LAMA2: variants seen among roughly 807,000 people sequenced by gnomAD.
The protein encoded by LAMA2 is laminin subunit alpha-2.
In LAMA2, 269 loss-of-function variants were observed where a neutral mutation model predicts 364.8. The observed-to-expected ratio is 0.74, with a 90% CI of 0.67 to 0.82. The LOEUF (loss-of-function observed/expected upper bound fraction) is 0.82. Ranked by LOEUF, LAMA2 falls within the 40% of genes least tolerant of loss-of-function variation. The pLI is 0.00. For missense variants in LAMA2, 3,807 were observed against 3,873.2 expected (o/e 0.98, Z 0.45); for synonymous variants, 1,379 against 1,370.6 (o/e 1.01, Z -0.14).
intron 8 of LAMA2, among the ~76,000 whole-genome samples, chr6:129,161,724 G>C (rs1779448014): frequency 6.6e-6 from 1 of 151,976 alleles, no homozygotes; most frequent in Non-Finnish European, 1.5e-5. Context: ...TCAATGTTTA[G>C]CTCCACTCAT....
At chr6:129,286,242 G>T (rs1057037018) in intron 18 of LAMA2, among the ~76,000 whole-genome samples, 1 of 151,906 alleles carries the variant, frequency 6.6e-6, no homozygotes, top group Non-Finnish European at 1.5e-5. Flanking sequence ...TGCTGCAAAA[G>T]ACTTTATCTT....
chr6:128,940,050 TGCTCATCATGA>T (rs1780060973), intron 1 of LAMA2, among the ~76,000 whole-genome samples: 1 of 152,230 alleles, frequency 6.6e-6, no homozygotes, highest in Admixed American at 6.5e-5. Context: ...CTGCCATTCT[TGCTCATCATGA>T]TTTTGCCTCA....
intron 1 of LAMA2, among the ~76,000 whole-genome samples, chr6:128,893,498 C>T (rs2114391409): frequency 6.6e-6 from 1 of 151,940 alleles, no homozygotes; most frequent in South Asian, 2.1e-4. Context: ...TGACACATAG[C>T]TTTCAAACAT....
At chr6:129,034,790 C>A (rs371569120) in intron 1 of LAMA2, among the ~76,000 whole-genome samples, 5 of 152,158 alleles carry the variant, frequency 3.3e-5, no homozygotes, top group African/African-American at 1.2e-4. Flanking sequence ...CATGTTGCTG[C>A]AAAGGACATG....
chr6:128,982,350 A>G (rs1782938280), intron 1 of LAMA2, among the ~76,000 whole-genome samples: 1 of 152,128 alleles, frequency 6.6e-6, no homozygotes, highest in African/African-American at 2.4e-5. Context: ...CAGATCTTAT[A>G]TTTATGTGGT....
chr6:128,966,006 A>G (rs948412380), intron 1 of LAMA2, among the ~76,000 whole-genome samples: 21 of 116,938 alleles, frequency 1.8e-4, no homozygotes, highest in Non-Finnish European at 3.8e-4. Context: ...TTTTTGAACA[A>G]TCTGACTATT....
intron 12 of LAMA2, among the ~76,000 whole-genome samples, chr6:129,242,866 G>A (rs1382903935): frequency 6.6e-6 from 1 of 152,018 alleles, no homozygotes; most frequent in Admixed American, 6.6e-5. Context: ...CAAGTAGTAC[G>A]CTAAGTCAGA....
At chr6:129,179,555 C>T (rs934311771) in intron 10 of LAMA2, among the ~76,000 whole-genome samples, 7 of 151,934 alleles carry the variant, frequency 4.6e-5, no homozygotes, top group African/African-American at 9.7e-5. Flanking sequence ...TGCTCTCAGC[C>T]GAACTCAATA....
At chr6:129,182,515 A>C (rs1047636323) in intron 10 of LAMA2, among the ~76,000 whole-genome samples, 6 of 151,982 alleles carry the variant, frequency 3.9e-5, no homozygotes, top group Non-Finnish European at 5.9e-5. Context: ...GTTTCCTTTA[A>C]TCTGATAAAA....
At chr6:129,410,608 A>G (rs1780483633) in intron 40 of LAMA2, among the ~76,000 whole-genome samples, 1 of 152,204 alleles carries the variant, frequency 6.6e-6, no homozygotes, top group Non-Finnish European at 1.5e-5. Context: ...CAGAACTATT[A>G]GGAGATGGAT....
chr6:128,942,732 C>A (rs1780233380), intron 1 of LAMA2, among the ~76,000 whole-genome samples: 1 of 152,064 alleles, frequency 6.6e-6, no homozygotes. Flanking sequence ...ATTTTAAAAT[C>A]ACTTACGTAT....
In LAMA2 at chr6:128,981,090, A is replaced by G. The variant is rs535357573; in HGVS notation, c.113-68828A>G. ...AGATGCCTAAGTCAGAAACCTAGGC[A>G]TCATCCCTTCATTCTTTCTGTTCCT... On this transcript the variant is annotated intron_variant, in intron 1 of 64. Transcript: ENST00000421865. 2.6e-5 allele frequency among the ~76,000 whole-genome samples: 4 copies of G among 152,290 alleles called. 1 individual carries two copies. The South Asian group carries it at 8.3e-4, about 32-fold the overall frequency.
rs778428420 is a variant in LAMA2, at chr6:129,287,888, G to A, written c.2579G>A (p.Gly860Glu). Residue 860 changes from glycine to glutamate, a missense_variant, in exon 19 of 65, where the codon GGA becomes GAA. By Grantham distance (98) the Gly-to-Glu change is moderately conservative. Transcript: ENST00000421865. ...GYFGQPSVPGGSCQPCQCNDN... is the reference protein window; with the variant it reads ...GYFGQPSVPGESCQPCQCNDN... The stretch of plus-strand genomic sequence containing the variant: ...TTTGGACAACCCTCTGTACCTGGAG[G>A]ATCATGTCAGCCATGCCAATGCAAT... 6.2e-7 allele frequency: 1 copy of A among 1,613,902 alleles called. No homozygotes were observed. The highest frequency in any genetic ancestry group is 8.5e-7 in the Non-Finnish European group (1 of 1,179,950).
chr6:129,109,836 A>C (rs1934349477), intron 4 of LAMA2, among the ~76,000 whole-genome samples: 1 of 152,034 alleles, frequency 6.6e-6, no homozygotes, highest in African/African-American at 2.4e-5. Context: ...TTAATTGACT[A>C]CTCAGGTAAA....
At chr6:129,038,512 GC>G (rs769016244) in intron 1 of LAMA2, among the ~76,000 whole-genome samples, 32 of 152,128 alleles carry the variant, frequency 2.1e-4, no homozygotes, top group Non-Finnish European at 4.4e-4. Flanking sequence ...TGAGAAGATG[GC>G]AGACATCAAG....
At chr6:129,228,357 G>A (rs1014730049) in intron 12 of LAMA2, among the ~76,000 whole-genome samples, 6 of 152,066 alleles carry the variant, frequency 3.9e-5, no homozygotes, top group Non-Finnish European at 8.8e-5. Flanking sequence ...TGTCAGACAA[G>A]CCCCAGTGAG....
intron 22 of LAMA2, among the ~76,000 whole-genome samples, chr6:129,301,493 C>G (rs184512518): frequency 6.6e-6 from 1 of 151,948 alleles, no homozygotes; most frequent in African/African-American, 2.4e-5. Context: ...ATATAGGGCG[C>G]GAGTTACATT....
intron 28 of LAMA2, among the ~76,000 whole-genome samples, chr6:129,322,365 T>C (rs1320978194): frequency 1.3e-5 from 2 of 152,348 alleles, no homozygotes; most frequent in African/African-American, 4.8e-5. Flanking sequence ...TGAGACTGTG[T>C]GGCACATATG....
chr6:129,117,326 A>T (rs547819999), intron 4 of LAMA2, among the ~76,000 whole-genome samples: 35 of 152,342 alleles, frequency 2.3e-4, no homozygotes, highest in Non-Finnish European at 4.4e-4. Context: ...ATATTCTCTT[A>T]AATTTTTTAC....
Sources: gnomAD v4.1 joint callset for allele counts (sites outside exome capture counted in the v4.1 genomes callset) on GRCh38, gnomAD v4.1.1 for gene constraint, MANE v1.5 for transcripts, NCBI Gene and HGNC (gene_info 2026-07-23, HGNC 2026-07-21) for gene names.